Variants in LSAMP observed in about 807,000 individuals in gnomAD.
The protein encoded by LSAMP is limbic system-associated membrane protein.
A neutral mutation model predicts 38.6 loss-of-function variants in LSAMP; 7 were observed. That is an observed-to-expected ratio of 0.18 (90% CI 0.10 to 0.34). LSAMP has a LOEUF of 0.34. Ranked by LOEUF, LSAMP falls within the 10% of genes least tolerant of loss-of-function variation. The probability of loss-of-function intolerance (pLI) is 1.00; values close to 1 mark genes in which losing one functional copy is unlikely to be tolerated. For synonymous variants in LSAMP, 154 were observed against 166.8 expected, an observed-to-expected ratio of 0.92 and a Z score of 0.59; for missense variants, 313 against 420.0, an observed-to-expected ratio of 0.75 and a Z score of 2.23.
At chr3:116,121,218 G>T (rs1708868223) in intron 1 of LSAMP, among the ~76,000 whole-genome samples, 1 of 152,096 alleles carries the variant, frequency 6.6e-6, no homozygotes, top group African/African-American at 2.4e-5. Context: ...CTGCATTCTT[G>T]CTTAGCATTG....
At chr3:116,111,013 TG>T (rs1403851212) in intron 1 of LSAMP, among the ~76,000 whole-genome samples, 1 of 151,138 alleles carries the variant, frequency 6.6e-6, no homozygotes, top group Admixed American at 6.6e-5. Context: ...AGGTGCTCAG[TG>T]GGGGAGCTTC....
At chr3:116,436,712 C>T (rs1383501404) in intron 1 of LSAMP, among the ~76,000 whole-genome samples, 1 of 152,112 alleles carries the variant, frequency 6.6e-6, no homozygotes, top group African/African-American at 2.4e-5. Flanking sequence ...AATCAGGGAA[C>T]ACTTCTACAC....
intron 1 of LSAMP, among the ~76,000 whole-genome samples, chr3:116,340,441 G>C (rs1037285893): frequency 1.3e-5 from 2 of 151,838 alleles, no homozygotes; most frequent in African/African-American, 2.4e-5. Flanking sequence ...TCAATGGAAT[G>C]CATCTAAATT....
At chr3:116,399,098 T>TG (rs1329639308) in intron 1 of LSAMP, among the ~76,000 whole-genome samples, 1 of 151,952 alleles carries the variant, frequency 6.6e-6, no homozygotes, top group Non-Finnish European at 1.5e-5. Context: ...AAGGTAGAGG[T>TG]GGAAGGAGAA....
intron 1 of LSAMP, among the ~76,000 whole-genome samples, chr3:116,193,235 G>A (rs573357940): frequency 3.9e-5 from 6 of 152,272 alleles, no homozygotes; most frequent in South Asian, 2.1e-4. Flanking sequence ...ATAGTAAGGC[G>A]TCTTTTATCA....
chr3:116,300,564 C>T (rs950437873), intron 1 of LSAMP, among the ~76,000 whole-genome samples: 2 of 152,200 alleles, frequency 1.3e-5, no homozygotes, highest in African/African-American at 4.8e-5. Context: ...AGATCAGCAG[C>T]AGCATTAGAT....
intron 1 of LSAMP, among the ~76,000 whole-genome samples, chr3:116,418,499 A>T (rs57606823): frequency 0.31 from 46,955 of 151,230 alleles, 9,999 homozygotes; most frequent in African/African-American, 0.61. Context: ...GTTTTTTTTT[A>T]AATTTATTTT....
chr3:116,109,232 G>A (rs969522124), intron 1 of LSAMP, among the ~76,000 whole-genome samples: 2 of 152,132 alleles, frequency 1.3e-5, no homozygotes, highest in Non-Finnish European at 2.9e-5. Flanking sequence ...TAAATTGCTG[G>A]GCAGGTGGGG....
At chr3:115,830,754 C>A (rs1483708534) in intron 6 of LSAMP, among the ~76,000 whole-genome samples, 1 of 152,154 alleles carries the variant, frequency 6.6e-6, no homozygotes. Flanking sequence ...ATTCAGTGAT[C>A]TTCACAGCAT....
At chr3:116,329,562 T>C (rs1248180528) in intron 1 of LSAMP, among the ~76,000 whole-genome samples, 3 of 152,062 alleles carry the variant, frequency 2.0e-5, no homozygotes, top group African/African-American at 7.3e-5. Flanking sequence ...GATGATGTTA[T>C]ATATGCAAAT....
intron 2 of LSAMP, among the ~76,000 whole-genome samples, chr3:116,055,852 A>C (rs1220180839): frequency 2.0e-5 from 3 of 152,214 alleles, no homozygotes; most frequent in Non-Finnish European, 4.4e-5. Flanking sequence ...TGCAAATTCC[A>C]TGTGGGTTCT....
intron 1 of LSAMP, among the ~76,000 whole-genome samples, chr3:116,163,170 A>G (rs1445680268): frequency 1.3e-5 from 2 of 149,728 alleles, no homozygotes; most frequent in Non-Finnish European, 3.0e-5. Flanking sequence ...GGTGTGCTGC[A>G]CCCATTAACT....
chr3:115,891,662 A>G (rs1489152428), intron 3 of LSAMP, among the ~76,000 whole-genome samples: 1 of 152,038 alleles, frequency 6.6e-6, no homozygotes, highest in Non-Finnish European at 1.5e-5. Flanking sequence ...GTCTTTTGCC[A>G]AGGCCCTATT....
chr3:115,936,502 T>C (rs539057044), intron 3 of LSAMP, among the ~76,000 whole-genome samples: 2 of 152,312 alleles, frequency 1.3e-5, no homozygotes, highest in African/African-American at 4.8e-5. Context: ...ATTGGCCATA[T>C]AATGATTGTG....
intron 1 of LSAMP, among the ~76,000 whole-genome samples, chr3:116,394,486 A>G (rs1382151009): frequency 2.0e-5 from 3 of 152,140 alleles, no homozygotes; most frequent in Non-Finnish European, 2.9e-5. Flanking sequence ...TCTCTCCTGA[A>G]AAATGATACC....
chr3:116,067,468 G>A (rs1053689187), intron 2 of LSAMP, among the ~76,000 whole-genome samples: 1 of 152,090 alleles, frequency 6.6e-6, no homozygotes, highest in Non-Finnish European at 1.5e-5. Flanking sequence ...CAGCAGCCGA[G>A]GTATATAAAT....
intron 1 of LSAMP, among the ~76,000 whole-genome samples, chr3:116,179,207 C>T (rs982535061): frequency 2.0e-5 from 3 of 152,160 alleles, no homozygotes; most frequent in African/African-American, 7.2e-5. Flanking sequence ...GTACTTCAGT[C>T]CCCACAAAAC....
intron 3 of LSAMP, among the ~76,000 whole-genome samples, chr3:115,995,688 T>C (rs1939795946): frequency 1.3e-5 from 2 of 152,110 alleles, no homozygotes; most frequent in South Asian, 4.1e-4. Flanking sequence ...ATATATGTTT[T>C]AGTTCAATTG....
intron 1 of LSAMP, among the ~76,000 whole-genome samples, chr3:116,158,716 A>G (rs1360135705): frequency 6.6e-6 from 1 of 152,194 alleles, no homozygotes; most frequent in Non-Finnish European, 1.5e-5. Context: ...AAACATATGG[A>G]AAAACATTTC....
Sources: allele counts gnomAD v4.1 joint callset (sites outside exome capture counted in the v4.1 genomes callset), GRCh38; gene constraint gnomAD v4.1.1; transcripts MANE v1.5; gene names NCBI Gene and HGNC (gene_info 2026-07-23, HGNC 2026-07-21).